Variants in POLR1A observed in about 807,000 individuals in gnomAD.
POLR1A encodes the protein DNA-directed RNA polymerase I subunit RPA1.
In POLR1A, 84 loss-of-function variants were observed where a neutral mutation model predicts 205.3. That is an observed-to-expected ratio of 0.41 (90% confidence interval 0.34 to 0.49). The LOEUF (loss-of-function observed/expected upper bound fraction) is 0.49, where lower values mean the gene tolerates loss of function less well. Among genes scored for constraint, POLR1A ranks in the 20% least tolerant of loss-of-function variants. The probability of loss-of-function intolerance (pLI) is 0.22; values close to 1 mark genes in which losing one functional copy is unlikely to be tolerated. For missense variants in POLR1A, 1,645 were observed against 2,204.5 expected, an observed-to-expected ratio of 0.75 and a Z score of 5.08; for synonymous variants, 799 against 863.7, an observed-to-expected ratio of 0.93 and a Z score of 1.31.
intron 1 of POLR1A, among the ~76,000 whole-genome samples, chr2:86,103,587 C>T (rs1242417007): frequency 3.3e-5 from 5 of 152,194 alleles, no homozygotes; most frequent in Non-Finnish European, 5.9e-5. Context: ...TGGATGAAAT[C>T]GTATCCACTT....
Position 86,049,097 on chromosome 2 carries a change from GT to G in POLR1A, c.2476-56del, listed in dbSNP as rs1325714707. The G allele has an allele frequency of 2.5e-6, 4 of 1,612,644 alleles. No homozygotes were observed. In the African/African-American group the frequency reaches 5.3e-5, roughly 22 times the overall value. On this transcript the variant is annotated intron_variant, in intron 17 of 33. Coordinates refer to ENST00000263857, the MANE Select transcript of POLR1A (RefSeq NM_015425.6). ...CTGAGGCCAAACGACGAGAGTGTGG[GT>G]TTTGACTCAGCACACACTTCACCCC...
At position 86,065,325 on chromosome 2, in the gene POLR1A, C is replaced by T. The variant is rs1423906681; in HGVS notation, c.2007G>A (p.Lys669=). The T allele has an allele frequency of 6.2e-7, 1 of 1,614,044 alleles. No individual in the cohort carries two copies. The highest frequency in any genetic ancestry group is 2.2e-5 in the East Asian group (1 of 44,902). Residue 669 remains lysine, a synonymous_variant, in exon 14 of 34, where the codon AAG becomes AAA. Transcript: ENST00000263857. ...RGLTDKVGRV[K]LLSPSILKPF... ...GCTTCAGGATGGAAGGAGAAAGGAG[C>T]TTCACGCGCCCCACTTTGTCCGTGA...
intron 19 of POLR1A, among the ~76,000 whole-genome samples, chr2:86,046,492 G>A (rs1672712313): frequency 6.6e-6 from 1 of 152,088 alleles, no homozygotes; most frequent in African/African-American, 2.4e-5. Flanking sequence ...CCCTCTCAAG[G>A]TCACCAAGGT....
intron 16 of POLR1A, 129 bp downstream of exon 16, chr2:86,052,688 C>A: frequency 2.8e-6 from 2 of 704,964 alleles, no homozygotes; most frequent in South Asian, 5.2e-5. Context: ...GGAAAGACTT[C>A]TCCACTGGGA....
intron 26 of POLR1A, 121 bp from the exon 27 acceptor site, chr2:86,038,978 C>T (rs1672549635): frequency 1.2e-6 from 1 of 869,114 alleles, no homozygotes; most frequent in South Asian, 1.6e-5. Flanking sequence ...GGCCAAACCC[C>T]AAAGAAACCC....
intron 24 of POLR1A, among the ~76,000 whole-genome samples, chr2:86,041,192 CGCGCTGAGCT>C (rs1672597258): frequency 2.8e-5 from 1 of 36,186 alleles, no homozygotes; most frequent in African/African-American, 8.7e-5. Context: ...TGTGTGTGTG[CGCGCTGAGCT>C]ACAGTGTCTG....
intron 3 of POLR1A, among the ~76,000 whole-genome samples, chr2:86,093,670 A>G (rs1673650796): frequency 6.6e-6 from 1 of 152,196 alleles, no homozygotes; most frequent in South Asian, 2.1e-4. Context: ...TTGACTAAAA[A>G]AATACAAAAA....
chr2:86,049,743 C>T (rs1672769697), intron 16 of POLR1A, among the ~76,000 whole-genome samples: 1 of 152,096 alleles, frequency 6.6e-6, no homozygotes. Flanking sequence ...ACAGACACAC[C>T]CGAGCCTGGG....
rs2104382379 is a variant in POLR1A, at chr2:86,033,551, A to G, written c.4161+110T>C. On this transcript the variant is annotated intron_variant, in intron 28 of 33. Transcript: ENST00000263857. ...AGGTAAAAGCTGAGATAGGTAGGAG[A>G]TGGGCCAGCACCAGGATGGGGCTGG... The G allele has an allele frequency of 1.9e-5, 23 of 1,224,256 alleles. No individual in the cohort carries two copies. In the South Asian group the frequency reaches 3.1e-4, roughly 17 times the overall value. 75.8% of individuals were successfully genotyped at this position (1,224,256 alleles called of 1,614,324 possible). A position where few individuals can be genotyped will look rare whatever the true frequency, so the allele number is the denominator to read the frequency against.
intron 19 of POLR1A, among the ~76,000 whole-genome samples, chr2:86,046,784 T>C (rs1471496948): frequency 2.0e-5 from 3 of 151,794 alleles, no homozygotes; most frequent in African/African-American, 7.3e-5. Flanking sequence ...GAGCCAAGAT[T>C]GCGCCACTGC....
chr2:86,056,227 G>A (rs191706210), intron 14 of POLR1A, among the ~76,000 whole-genome samples: 11 of 152,094 alleles, frequency 7.2e-5, no homozygotes, highest in African/African-American at 2.2e-4. Flanking sequence ...CAAGGCAGGC[G>A]GATCACTTAA....
chr2:86,048,807 G>T, intron 18 of POLR1A, 77 bp downstream of exon 18: 1 of 1,351,230 alleles, frequency 7.4e-7, no homozygotes, highest in Non-Finnish European at 1.0e-6. Flanking sequence ...TAGGGCCCAG[G>T]TGAGAATCAA....
rs1477839671 is a variant in POLR1A at position 86,044,244 on chromosome 2, A to G, written c.3030T>C (p.Ser1010=). 8.1e-6 allele frequency: 13 copies of G among 1,614,014 alleles called. No homozygotes were observed. The highest frequency in any genetic ancestry group is 3.4e-6 in the Non-Finnish European group (4 of 1,179,998). The change falls in exon 22 of 34, where the codon AGT becomes AGC. Residue 1010 remains serine, a synonymous_variant. Coordinates refer to ENST00000263857, the MANE Select transcript of POLR1A (RefSeq NM_015425.6). ...ACAGGAACTGCACCACACTGCCGTC[A>G]CTGTCACGGACCGTGAGATCATACT... ...VVQYDLTVRD[S]DGSVVQFLYG...
chr2:86,054,950 T>A (rs1672871860), intron 14 of POLR1A, among the ~76,000 whole-genome samples: 2 of 152,216 alleles, frequency 1.3e-5, no homozygotes, highest in African/African-American at 4.8e-5. Flanking sequence ...GGAGACTAAC[T>A]GCCATCAACA....
rs1464880628 is a variant in POLR1A at position 86,025,724 on chromosome 2, T to C, written c.*1699A>G. 1 of 152,288 alleles carries C rather than the reference T, an allele frequency of 6.6e-6. No individual in the cohort carries two copies. Among genetic ancestry groups the C allele is most frequent in the African/African-American group, 2.4e-5 (1 of 41,466 alleles). The allele number at this position is 152,288 out of a possible 1,614,324, so 9.4% of individuals were successfully genotyped here. ...CTGTGCCACAGTCACCAGGTTACTTTGTGATCTCCTTCAAGGACACTCTCA... is the reference window on the plus strand; with the variant it reads ...CTGTGCCACAGTCACCAGGTTACTTCGTGATCTCCTTCAAGGACACTCTCA... On this transcript the variant is annotated 3_prime_UTR_variant, in exon 34 of 34. Transcript: ENST00000263857.
Position 86,031,458 on chromosome 2 carries a change from G to C in POLR1A, c.4450C>G (p.Arg1484Gly). Residue 1484 changes from arginine (R) to glycine (G), a missense_variant, in exon 30 of 34, where the codon CGG becomes GGG. Arg to Gly is a moderately radical substitution (Grantham distance 125). Transcript: ENST00000263857. ...GGCTCCTGGCTGTGGGTGGGTTTCCGGGGCTGCGTCAGGAGGGCGGGAAGG... is the reference window on the plus strand; with the variant it reads ...GGCTCCTGGCTGTGGGTGGGTTTCCCGGGCTGCGTCAGGAGGGCGGGAAGG... ...PSLPALLTQP[R>G]KPTHSQEPQG... The C allele has an allele frequency of 3.1e-6, 5 of 1,614,196 alleles. No individual in the cohort carries two copies. The highest frequency in any genetic ancestry group is 1.3e-5 in the African/African-American group (1 of 75,070).
intron 14 of POLR1A, among the ~76,000 whole-genome samples, chr2:86,054,753 A>C (rs1419480051): frequency 3.3e-5 from 5 of 152,252 alleles, no homozygotes; most frequent in Admixed American, 2.6e-4. Flanking sequence ...CCACCCAACA[A>C]GCACTGCTAA....
chr2:86,073,215 A>AATC (rs1673211758), intron 12 of POLR1A, among the ~76,000 whole-genome samples: 1 of 141,270 alleles, frequency 7.1e-6, no homozygotes. Flanking sequence ...AAATAAAATA[A>AATC]AAAAAAAAAA....
intron 1 of POLR1A, among the ~76,000 whole-genome samples, chr2:86,104,653 G>A (rs1673886567): frequency 6.6e-6 from 1 of 152,106 alleles, no homozygotes; most frequent in Admixed American, 6.5e-5. Flanking sequence ...TCACCATGTT[G>A]GCCAGGGATG....
Sources: gnomAD v4.1 joint callset for allele counts (sites outside exome capture counted in the v4.1 genomes callset) on GRCh38, gnomAD v4.1.1 for gene constraint, MANE v1.5 for transcripts, NCBI Gene and HGNC (gene_info 2026-07-23, HGNC 2026-07-21) for gene names.